AMPH: variants seen among roughly 807,000 people sequenced by gnomAD.
AMPH encodes the protein amphiphysin.
AMPH carries 49 observed loss-of-function variants against 99.1 expected under a neutral mutation model. The observed-to-expected ratio is 0.49, with a 90% CI of 0.39 to 0.63. The LOEUF is 0.63. AMPH is among the 20% of genes least tolerant of loss of function. AMPH has a pLI of 0.00. For synonymous variants in AMPH, 314 were observed against 317.3 expected (o/e 0.99, Z 0.11); for missense variants, 759 against 863.4 (o/e 0.88, Z 1.52).
chr7:38,538,648 AAG>A (rs1790699399), intron 1 of AMPH, among the ~76,000 whole-genome samples: 1 of 152,212 alleles, frequency 6.6e-6, no homozygotes, highest in South Asian at 2.1e-4. Flanking sequence ...GAGACCAGTT[AAG>A]AGGCTTTTTA....
chr7:38,527,180 T>C (rs1790220925), intron 2 of AMPH, among the ~76,000 whole-genome samples: 1 of 152,266 alleles, frequency 6.6e-6, no homozygotes, highest in Non-Finnish European at 1.5e-5. Flanking sequence ...TAGGCCTTAA[T>C]ATTGAAAAGA....
chr7:38,620,711 T>C (rs1354828980), intron 1 of AMPH, among the ~76,000 whole-genome samples: 1 of 152,110 alleles, frequency 6.6e-6, no homozygotes, highest in African/African-American at 2.4e-5. Flanking sequence ...TTCTTTTTTT[T>C]GGATTTCTGA....
intron 9 of AMPH, among the ~76,000 whole-genome samples, chr7:38,463,478 C>A (rs1787534512): frequency 1.3e-5 from 2 of 152,202 alleles, no homozygotes; most frequent in South Asian, 4.1e-4. Context: ...TTCTTTCAAA[C>A]AAGTTCTGCA....
At chr7:38,439,562 C>T (rs1263805539) in intron 11 of AMPH, among the ~76,000 whole-genome samples, 2 of 152,280 alleles carry the variant, frequency 1.3e-5, no homozygotes, top group East Asian at 3.9e-4. Flanking sequence ...GTGTAATTTT[C>T]CTTAACAAGA....
intron 11 of AMPH, among the ~76,000 whole-genome samples, chr7:38,444,626 C>T (rs923579946): frequency 2.6e-5 from 4 of 151,990 alleles, no homozygotes; most frequent in Non-Finnish European, 4.4e-5. Flanking sequence ...ATTGATTCTC[C>T]CCTAGAGCCT....
At chr7:38,511,197 C>T (rs10276324) in intron 2 of AMPH, among the ~76,000 whole-genome samples, 25,451 of 152,164 alleles carry the variant, frequency 0.17, 2,810 homozygotes, top group Non-Finnish European at 0.25. Context: ...ACACTATTAT[C>T]ACTCAACTAA....
intron 17 of AMPH, among the ~76,000 whole-genome samples, chr7:38,405,677 G>A (rs545629665): frequency 6.6e-6 from 1 of 152,012 alleles, no homozygotes; most frequent in Non-Finnish European, 1.5e-5. Flanking sequence ...TAGATATATA[G>A]AGAGATACAT....
At chr7:38,551,375 T>C (rs990954896) in intron 1 of AMPH, among the ~76,000 whole-genome samples, 5 of 152,178 alleles carry the variant, frequency 3.3e-5, no homozygotes, top group African/African-American at 9.6e-5. Flanking sequence ...CCTGTTCTGA[T>C]CATCTGCAAA....
At chr7:38,627,411 C>T (rs1056875481) in intron 1 of AMPH, among the ~76,000 whole-genome samples, 5 of 88,254 alleles carry the variant, frequency 5.7e-5, no homozygotes, top group South Asian at 2.8e-4. Context: ...ATTAGCCGGA[C>T]GTGGTGGCAG....
intron 17 of AMPH, among the ~76,000 whole-genome samples, chr7:38,397,772 T>C (rs118128607): frequency 0.058 from 8,835 of 152,216 alleles, 357 homozygotes; most frequent in East Asian, 0.19. Flanking sequence ...AAGGGATTAA[T>C]AACCAGAATA....
chr7:38,617,339 T>C (rs1474801741), intron 1 of AMPH, among the ~76,000 whole-genome samples: 1 of 152,214 alleles, frequency 6.6e-6, no homozygotes, highest in African/African-American at 2.4e-5. Flanking sequence ...CTAGATGCCA[T>C]GAAATGGACA....
At chr7:38,390,029 A>G in intron 19 of AMPH, 124 bp from the exon 20 acceptor site, 1 of 716,538 alleles carries the variant, frequency 1.4e-6, no homozygotes, top group Non-Finnish European at 2.4e-6. Context: ...AGGAGGAAGA[A>G]GGCCTCTAAA....
At chr7:38,600,402 C>T (rs1793205802) in intron 1 of AMPH, among the ~76,000 whole-genome samples, 1 of 152,066 alleles carries the variant, frequency 6.6e-6, no homozygotes, top group African/African-American at 2.4e-5. Flanking sequence ...TCTTCATATT[C>T]CCGATTTTTA....
chr7:38,516,695 G>A (rs1283325685), intron 2 of AMPH, among the ~76,000 whole-genome samples: 2 of 152,196 alleles, frequency 1.3e-5, no homozygotes, highest in East Asian at 3.9e-4. Flanking sequence ...ACCCCACAAT[G>A]GCAGATCCAC....
At chr7:38,553,150 T>C (rs537766371) in intron 1 of AMPH, among the ~76,000 whole-genome samples, 2 of 152,378 alleles carry the variant, frequency 1.3e-5, no homozygotes, top group South Asian at 4.1e-4. Flanking sequence ...CTGATCTCAC[T>C]GGGACCAGTT....
rs949999864 is a variant in AMPH at position 38,384,716 on chromosome 7, T to C, written c.*102A>G. The C allele has an allele frequency of 2.1e-5, 20 of 949,842 alleles. No homozygotes were observed. The African/African-American group carries it at 3.2e-4, about 15-fold the overall frequency. 58.8% of individuals were successfully genotyped at this position (949,842 alleles called of 1,614,324 possible). On this transcript the variant is annotated 3_prime_UTR_variant, in exon 21 of 21. Coordinates refer to ENST00000356264, the MANE Select transcript of AMPH (RefSeq NM_001635.4). ...CTTCCCAAGGTTTGTCTGGCATCAG[T>C]CTGTAAATCATTAAGAGCATAATAA...
At chr7:38,586,080 T>A (rs1251312591) in intron 1 of AMPH, among the ~76,000 whole-genome samples, 1 of 152,174 alleles carries the variant, frequency 6.6e-6, no homozygotes, top group Admixed American at 6.5e-5. Context: ...ACCTAAAAGA[T>A]GGCCACATGA....
chr7:38,473,564 C>T (rs1157699459), intron 7 of AMPH, among the ~76,000 whole-genome samples: 1 of 105,988 alleles, frequency 9.4e-6, no homozygotes. Flanking sequence ...ATTAGCCGGG[C>T]GCGGTGGCGG....
chr7:38,584,632 C>T (rs576410692), intron 1 of AMPH, among the ~76,000 whole-genome samples: 1 of 152,282 alleles, frequency 6.6e-6, no homozygotes, highest in South Asian at 2.1e-4. Flanking sequence ...TGAATCACGT[C>T]ATGTGGCAGA....
Sources: allele counts gnomAD v4.1 joint callset (sites outside exome capture counted in the v4.1 genomes callset), GRCh38; gene constraint gnomAD v4.1.1; transcripts MANE v1.5; gene names NCBI Gene and HGNC (gene_info 2026-07-23, HGNC 2026-07-21).